The following ATF6 variants were observed in gnomAD, a reference collection of about 807,000 sequenced individuals.
The protein encoded by ATF6 is activating transcription factor 6, also known as cyclic AMP-dependent transcription factor ATF-6 alpha.
Under a neutral mutation model 83.6 loss-of-function variants are expected in ATF6, and 53 were observed. The observed-to-expected ratio is 0.63, with a 90% CI of 0.51 to 0.80. The LOEUF (loss-of-function observed/expected upper bound fraction) is 0.80. Ranked by LOEUF, ATF6 falls within the 30% of genes least tolerant of loss-of-function variation. The pLI is 0.00. For synonymous variants in ATF6, 288 were observed against 285.8 expected (o/e 1.01, Z -0.08); for missense variants, 744 against 797.9 (o/e 0.93, Z 0.81).
chr1:161,863,410 A>G (rs1414198495), intron 14 of ATF6, 98 bp downstream of exon 14: 2 of 767,034 alleles, frequency 2.6e-6, no homozygotes, highest in Non-Finnish European at 4.5e-6. Flanking sequence ...GATGTGAGAA[A>G]TAGGAAGCAA....
intron 4 of ATF6, among the ~76,000 whole-genome samples, chr1:161,787,404 C>T (rs1684769110): frequency 1.3e-5 from 2 of 152,060 alleles, no homozygotes; most frequent in Non-Finnish European, 2.9e-5. Flanking sequence ...AGTGGGGGTC[C>T]CTTCACACCA....
intron 1 of ATF6, 142 bp downstream of exon 1, chr1:161,766,584 C>T: frequency 1.5e-6 from 1 of 659,866 alleles, no homozygotes; most frequent in East Asian, 2.8e-5. Context: ...CTGTTCGTGC[C>T]CCTGGAAGAG....
At position 161,846,563 on chromosome 1, in the gene ATF6, C is replaced by T; in HGVS notation, c.1302C>T (p.Ile434=). ...CACAGGACACATCAGATGGTATTAT[C>T]CAGAAAAACAGCTACAGGTAAGATG... The part of the protein sequence containing the change: ...KEAQDTSDGI[I]QKNSYRYDHS... The change falls in exon 10 of 16, where the codon ATC becomes ATT. Residue 434 remains isoleucine (I), a synonymous_variant. Coordinates refer to ENST00000367942, the MANE Select transcript of ATF6 (RefSeq NM_007348.4). 1 of 1,603,800 alleles carries T rather than the reference C, an allele frequency of 6.2e-7. No homozygotes were observed. Among genetic ancestry groups the T allele is most frequent in the Non-Finnish European group, 8.5e-7 (1 of 1,174,854 alleles).
At chr1:161,863,081 C>G in intron 13 of ATF6, 117 bp from the exon 14 acceptor site, 1 of 557,288 alleles carries the variant, frequency 1.8e-6, no homozygotes, top group Non-Finnish European at 3.2e-6. Context: ...CAAAGTGCAA[C>G]TAATATTTTG....
At position 161,789,637 on chromosome 1, in the gene ATF6, G is replaced by C. The variant is rs974124879; in HGVS notation, c.355-1771G>C. Among the ~76,000 whole-genome samples the C allele has an allele frequency of 5.9e-5, 9 of 151,924 alleles. 2 individuals carry two copies. In the South Asian group the frequency reaches 1.9e-3, roughly 32 times the overall value. ...TATACTAGAATTACAGAAAAAGCAG[G>C]TATCTATTTTTTATCCTGACTTTAA... On this transcript the variant is annotated intron_variant, in intron 4 of 15. Transcript: ENST00000367942.
At chr1:161,810,736 A>C (rs1420012227) in intron 7 of ATF6, among the ~76,000 whole-genome samples, 1 of 152,164 alleles carries the variant, frequency 6.6e-6, no homozygotes, top group African/African-American at 2.4e-5. Context: ...CCTAAAAAGA[A>C]AACCCCATAG....
intron 9 of ATF6, among the ~76,000 whole-genome samples, chr1:161,839,531 A>G (rs1444907220): frequency 6.6e-6 from 1 of 151,796 alleles, no homozygotes; most frequent in Non-Finnish European, 1.5e-5. Context: ...CCAGCTAATT[A>G]TTGTATTATG....
intron 9 of ATF6, among the ~76,000 whole-genome samples, chr1:161,838,336 A>T (rs1686272772): frequency 6.6e-6 from 1 of 152,232 alleles, no homozygotes; most frequent in Admixed American, 6.5e-5. Context: ...AGTATCAGTT[A>T]TCTAATACTG....
At chr1:161,955,079 G>C (rs1338044638) in intron 15 of ATF6, among the ~76,000 whole-genome samples, 1 of 152,038 alleles carries the variant, frequency 6.6e-6, no homozygotes, top group African/African-American at 2.4e-5. Flanking sequence ...ATCTAATGTT[G>C]ACCATGTTCT....
chr1:161,778,309 A>T lies in ATF6; in HGVS notation c.148A>T (p.Asn50Tyr). 1 of 1,612,754 alleles carries T rather than the reference A, an allele frequency of 6.2e-7. No individual in the cohort carries two copies. The highest frequency in any genetic ancestry group is 2.2e-5 in the East Asian group (1 of 44,842). ...TGATGAGCTGCAATTGGAAGCAGCA[A>T]ATGAGACGTATGTAAGTATTTACTA... ...DTDELQLEAA[N>Y]ETYENNFDNL... Residue 50 changes from asparagine (N) to tyrosine (Y), a missense_variant, in exon 2 of 16, where the codon AAT (asparagine) becomes TAT (tyrosine). Asn to Tyr is a moderately radical substitution (Grantham distance 143, BLOSUM62 -2). Coordinates refer to ENST00000367942, the MANE Select transcript of ATF6 (RefSeq NM_007348.4).
intron 14 of ATF6, among the ~76,000 whole-genome samples, chr1:161,877,446 A>G (rs974664621): frequency 6.6e-6 from 1 of 152,130 alleles, no homozygotes; most frequent in African/African-American, 2.4e-5. Context: ...AGGAAAGAGC[A>G]TATGAAGGCA....
intron 9 of ATF6, among the ~76,000 whole-genome samples, chr1:161,833,785 G>A (rs144475367): frequency 0.013 from 1,939 of 152,268 alleles, 164 homozygotes; most frequent in Admixed American, 0.12. Context: ...TCTAATTGGT[G>A]CGCCTGAAAG....
intron 4 of ATF6, 147 bp from the exon 5 acceptor site, chr1:161,791,261 C>A: frequency 2.0e-6 from 1 of 490,780 alleles, no homozygotes; most frequent in Non-Finnish European, 3.4e-6. Flanking sequence ...TCACTTATTA[C>A]TTAATATATA....
chr1:161,909,552 A>AGAACTTGTGT (rs1208671127), intron 14 of ATF6, among the ~76,000 whole-genome samples: 4 of 152,282 alleles, frequency 2.6e-5, no homozygotes, highest in Admixed American at 6.5e-5. Flanking sequence ...GCCACAATTC[A>AGAACTTGTGT]GTTTCCCCAA....
At chr1:161,900,221 G>T (rs180795062) in intron 14 of ATF6, among the ~76,000 whole-genome samples, 108 of 152,210 alleles carry the variant, frequency 7.1e-4, no homozygotes, top group African/African-American at 2.5e-3. Flanking sequence ...GAAGTTTGGT[G>T]ATGTTTTTAT....
At chr1:161,868,153 C>T (rs1304359800) in intron 14 of ATF6, among the ~76,000 whole-genome samples, 1 of 152,138 alleles carries the variant, frequency 6.6e-6, no homozygotes, top group East Asian at 1.9e-4. Context: ...TCCAGTGATT[C>T]CACTTTAGTC....
chr1:161,910,562 C>T (rs551409206), intron 14 of ATF6, among the ~76,000 whole-genome samples: 75 of 152,164 alleles, frequency 4.9e-4, no homozygotes, highest in Non-Finnish European at 6.3e-4. Context: ...GCAGGAAACT[C>T]AGAATTAAGT....
At chr1:161,827,455 GA>G (rs1167692029) in intron 9 of ATF6, among the ~76,000 whole-genome samples, 1 of 152,086 alleles carries the variant, frequency 6.6e-6, no homozygotes, top group Non-Finnish European at 1.5e-5. Context: ...AGCTCTATCT[GA>G]ACTTTTGTTA....
intron 7 of ATF6, among the ~76,000 whole-genome samples, chr1:161,805,884 GT>G (rs1685267541): frequency 6.7e-6 from 1 of 149,492 alleles, no homozygotes. Context: ...ACCTTTTTTA[GT>G]TCTTTTGTTT....
Sources: allele counts gnomAD v4.1 joint callset (sites outside exome capture counted in the v4.1 genomes callset), GRCh38; gene constraint gnomAD v4.1.1; transcripts MANE v1.5; gene names NCBI Gene and HGNC (gene_info 2026-07-23, HGNC 2026-07-21).